Variants in ZNF385D observed in about 807,000 individuals in gnomAD.
ZNF385D encodes the protein zinc finger protein 659.
In ZNF385D, 15 loss-of-function variants were observed where a neutral mutation model predicts 35.8. The observed-to-expected ratio is 0.42, with a 90% CI of 0.28 to 0.64. ZNF385D has a LOEUF of 0.64. ZNF385D is among the 30% of genes least tolerant of loss of function. ZNF385D has a pLI of 0.23. For missense variants in ZNF385D, 474 were observed against 494.6 expected (o/e 0.96, Z 0.39); for synonymous variants, 212 against 186.8 (o/e 1.13, Z -1.10).
At chr3:22,083,692 GC>G (rs1194993546) in intron 3 of ZNF385D, among the ~76,000 whole-genome samples, 1 of 152,170 alleles carries the variant, frequency 6.6e-6, no homozygotes, top group Non-Finnish European at 1.5e-5. Context: ...CCCCAACCTA[GC>G]AAGGCAGGCC....
chr3:21,636,303 G>C (rs967326820), intron 2 of ZNF385D, among the ~76,000 whole-genome samples: 1 of 142,726 alleles, frequency 7.0e-6, no homozygotes, highest in Non-Finnish European at 1.5e-5. Flanking sequence ...GAGCTAATAG[G>C]AGATATATAG....
At chr3:22,168,093 A>T (rs1357667247) in intron 3 of ZNF385D, among the ~76,000 whole-genome samples, 1 of 152,206 alleles carries the variant, frequency 6.6e-6, no homozygotes, top group African/African-American at 2.4e-5. Flanking sequence ...AATTTAGATG[A>T]ATTATATTTA....
chr3:21,870,751 T>G (rs1274945704), intron 3 of ZNF385D, among the ~76,000 whole-genome samples: 1 of 152,148 alleles, frequency 6.6e-6, no homozygotes, highest in African/African-American at 2.4e-5. Flanking sequence ...ACACCCCATT[T>G]CTGCTCTGTG....
chr3:21,992,456 A>G (rs889007553), intron 3 of ZNF385D, among the ~76,000 whole-genome samples: 1 of 152,172 alleles, frequency 6.6e-6, no homozygotes, highest in African/African-American at 2.4e-5. Context: ...TTATATTATC[A>G]TCATCCATCA....
intron 3 of ZNF385D, among the ~76,000 whole-genome samples, chr3:22,140,493 G>T (rs147371786): frequency 6.6e-6 from 1 of 152,104 alleles, no homozygotes; most frequent in Non-Finnish European, 1.5e-5. Context: ...TTATGAAAAT[G>T]TATCTATGTG....
chr3:21,782,588 A>C lies in ZNF385D; in HGVS notation c.326-117560T>G, dbSNP rs558862626. On this transcript the variant is annotated intron_variant, in intron 3 of 5. Transcript: ENST00000494108. ...ACCTTTAAACCTCTCCAGATTTGCT[A>C]TCTCCGTGCTTTGAACAGGTTACTT... Among the ~76,000 whole-genome samples, 4 of 152,218 alleles carry C rather than the reference A, an allele frequency of 2.6e-5. No homozygotes were observed. The South Asian group carries it at 8.3e-4, about 32-fold the overall frequency.
intron 1 of ZNF385D, among the ~76,000 whole-genome samples, chr3:21,692,958 T>C (rs887264783): frequency 2.0e-5 from 3 of 152,222 alleles, no homozygotes; most frequent in Admixed American, 2.0e-4. Context: ...AATCACTATT[T>C]TAAATAAAGT....
At chr3:22,239,960 C>T (rs960734224) in intron 2 of ZNF385D, among the ~76,000 whole-genome samples, 7 of 149,404 alleles carry the variant, frequency 4.7e-5, no homozygotes, top group South Asian at 2.2e-4. Context: ...GTGGATCACT[C>T]GAGTCTAGGA....
chr3:21,848,178 CT>C (rs917225659), intron 3 of ZNF385D, among the ~76,000 whole-genome samples: 3 of 151,736 alleles, frequency 2.0e-5, no homozygotes, highest in African/African-American at 7.3e-5. Context: ...GCAGGATTTC[CT>C]TTTTTTTAAA....
chr3:21,941,204 T>A (rs971657942), intron 3 of ZNF385D, among the ~76,000 whole-genome samples: 42 of 152,282 alleles, frequency 2.8e-4, no homozygotes, highest in African/African-American at 9.6e-4. Flanking sequence ...AAGCTTTGAT[T>A]TTTCTTAGCT....
rs564131043 is a variant in ZNF385D, at chr3:22,225,241, A to C, written c.107-56206T>G. Among the ~76,000 whole-genome samples, 4 of 152,226 alleles carry C rather than the reference A, an allele frequency of 2.6e-5. No homozygotes were observed. The East Asian group carries it at 7.7e-4, about 29-fold the overall frequency. On this transcript the variant is annotated intron_variant, in intron 2 of 5. Coordinates refer to the ZNF385D transcript ENST00000494108. ...GTAAACTGGAATTCATTATTAGAGT[A>C]TGTAGCAGACACTGTTGGTGCCCCA...
intron 2 of ZNF385D, among the ~76,000 whole-genome samples, chr3:22,195,377 C>CAT (rs1170741739): frequency 2.0e-5 from 3 of 152,052 alleles, no homozygotes; most frequent in South Asian, 2.1e-4. Context: ...TACACACAAA[C>CAT]ATATATATAT....
intron 3 of ZNF385D, among the ~76,000 whole-genome samples, chr3:21,921,674 A>T (rs1009150284): frequency 9.1e-6 from 1 of 109,802 alleles, no homozygotes; most frequent in South Asian, 3.6e-4. Context: ...CCAAGAATAT[A>T]TGTCTTCAAA....
chr3:21,599,014 T>G (rs1019743870), intron 2 of ZNF385D, among the ~76,000 whole-genome samples: 4 of 152,200 alleles, frequency 2.6e-5, no homozygotes, highest in African/African-American at 9.7e-5. Flanking sequence ...TGAAGAGATT[T>G]CCACTAAAAC....
intron 3 of ZNF385D, among the ~76,000 whole-genome samples, chr3:22,062,715 A>G (rs1175656075): frequency 6.6e-6 from 1 of 152,196 alleles, no homozygotes; most frequent in Admixed American, 6.5e-5. Flanking sequence ...TAGAATTAAC[A>G]ATGTATGGTT....
intron 3 of ZNF385D, among the ~76,000 whole-genome samples, chr3:21,942,255 C>T (rs1440630820): frequency 6.6e-6 from 1 of 152,140 alleles, no homozygotes; most frequent in Non-Finnish European, 1.5e-5. Flanking sequence ...TAAAATGACT[C>T]CTTTTTTAAA....
intron 3 of ZNF385D, among the ~76,000 whole-genome samples, chr3:21,818,690 G>A (rs2125727014): frequency 6.6e-6 from 1 of 152,114 alleles, no homozygotes; most frequent in African/African-American, 2.4e-5. Flanking sequence ...AAATGAGAAA[G>A]GTAAAGAAAT....
chr3:21,896,572 C>T (rs939691762), intron 3 of ZNF385D, among the ~76,000 whole-genome samples: 45 of 152,048 alleles, frequency 3.0e-4, no homozygotes, highest in African/African-American at 1.1e-3. Context: ...GCAGCACGTC[C>T]CTCGAACCAA....
chr3:21,919,782 A>C (rs963121555), intron 3 of ZNF385D, among the ~76,000 whole-genome samples: 3 of 152,232 alleles, frequency 2.0e-5, no homozygotes, highest in African/African-American at 7.2e-5. Flanking sequence ...AAATATTTTT[A>C]AGAAACTTTT....
Sources: gnomAD v4.1 joint callset for allele counts (sites outside exome capture counted in the v4.1 genomes callset) on GRCh38, gnomAD v4.1.1 for gene constraint, MANE v1.5 for transcripts, NCBI Gene and HGNC (gene_info 2026-07-23, HGNC 2026-07-21) for gene names.